BICD1: variants seen among roughly 807,000 people sequenced by gnomAD.
The protein encoded by BICD1 is BICD cargo adaptor 1.
Under a neutral mutation model 92.5 loss-of-function variants are expected in BICD1, and 35 were observed. The ratio of observed to expected loss-of-function variants is 0.38; its 90% confidence interval spans 0.29 to 0.50. The LOEUF (loss-of-function observed/expected upper bound fraction) is 0.50. Among genes scored for constraint, BICD1 ranks in the 20% least tolerant of loss-of-function variants. The probability of loss-of-function intolerance (pLI) is 0.93; values close to 1 mark genes in which losing one functional copy is unlikely to be tolerated. For missense variants in BICD1, 950 were observed against 1,189.8 expected (o/e 0.80, Z 2.97); for synonymous variants, 429 against 465.1 (o/e 0.92, Z 1.00).
intron 5 of BICD1, chr12:32,332,552 C>T (rs1023456767): frequency 1.8e-5 from 12 of 669,826 alleles, no homozygotes; most frequent in Non-Finnish European, 2.0e-5. Flanking sequence ...AACACATGGT[C>T]CCTGCCTTCC....
intron 1 of BICD1, among the ~76,000 whole-genome samples, chr12:32,192,337 G>C (rs1944595305): frequency 6.6e-6 from 1 of 152,134 alleles, no homozygotes; most frequent in Non-Finnish European, 1.5e-5. Context: ...GGGAGGCTGA[G>C]GTGGGAGAAT....
At chr12:32,341,892 C>A (rs866259784) in intron 8 of BICD1, among the ~76,000 whole-genome samples, 2 of 151,812 alleles carry the variant, frequency 1.3e-5, no homozygotes, top group Non-Finnish European at 2.9e-5. Flanking sequence ...TATATAAAAT[C>A]TTTTCAATAA....
chr12:32,254,429 A>G (rs1292745474), intron 2 of BICD1, among the ~76,000 whole-genome samples: 1 of 152,260 alleles, frequency 6.6e-6, no homozygotes, highest in Non-Finnish European at 1.5e-5. Flanking sequence ...AGGCTCTAGC[A>G]TTTGTAGGTG....
intron 2 of BICD1, among the ~76,000 whole-genome samples, chr12:32,252,198 T>TATATATTTATAATAAATA (rs1565619739): frequency 9.3e-5 from 8 of 86,140 alleles, no homozygotes; most frequent in African/African-American, 1.9e-4. Flanking sequence ...TACTATATAT[T>TATATATTTATAATAAATA]TTATATATAT....
At chr12:32,118,143 G>A (rs953050694) in intron 1 of BICD1, among the ~76,000 whole-genome samples, 14 of 149,898 alleles carry the variant, frequency 9.3e-5, no homozygotes, top group African/African-American at 3.2e-4. Flanking sequence ...GTGCAGTGGC[G>A]CGAACTCGGC....
intron 2 of BICD1, among the ~76,000 whole-genome samples, chr12:32,265,691 G>A (rs1946975498): frequency 6.8e-6 from 1 of 147,232 alleles, no homozygotes; most frequent in African/African-American, 2.5e-5. Context: ...ACTGCATTCA[G>A]CCTAGGTGAC....
At chr12:32,302,166 G>C (rs11051914) in intron 3 of BICD1, among the ~76,000 whole-genome samples, 4 of 152,182 alleles carry the variant, frequency 2.6e-5, no homozygotes, top group African/African-American at 9.6e-5. Flanking sequence ...GATTACAGGC[G>C]TGAGCCACTG....
At chr12:32,349,550 C>G (rs1236813736) in intron 8 of BICD1, among the ~76,000 whole-genome samples, 3 of 152,096 alleles carry the variant, frequency 2.0e-5, no homozygotes, top group East Asian at 3.9e-4. Flanking sequence ...GTTATTCTGT[C>G]CATGACTGGG....
chr12:32,165,359 C>CA (rs1169516048), intron 1 of BICD1, among the ~76,000 whole-genome samples: 1 of 151,964 alleles, frequency 6.6e-6, no homozygotes. Context: ...ACTGAAAATA[C>CA]AAAAAAATTA....
rs538518036 is a variant in BICD1 at position 32,289,954 on chromosome 12, G to C, written c.427-4040G>C. 7.4e-4 allele frequency among the ~76,000 whole-genome samples: 112 copies of C among 152,280 alleles called. 3 individuals carry two copies. The South Asian group carries it at 0.022, about 30-fold the overall frequency. On this transcript the variant is annotated intron_variant, in intron 2 of 9. Coordinates refer to ENST00000652176, the MANE Select transcript of BICD1 (RefSeq NM_001714.4). Reference sequence around the variant, plus strand: ...CTTGTGACCTACAGAATTGCTTTAAGAGGTCAGCACTGATAAAAACAGAGG... The same window carrying C: ...CTTGTGACCTACAGAATTGCTTTAACAGGTCAGCACTGATAAAAACAGAGG...
At chr12:32,153,138 A>G (rs1043665913) in intron 1 of BICD1, among the ~76,000 whole-genome samples, 1 of 152,188 alleles carries the variant, frequency 6.6e-6, no homozygotes, top group Admixed American at 6.5e-5. Context: ...CCTGATGTGT[A>G]GCTCTCATTT....
chr12:32,199,144 G>A (rs1427281470), intron 1 of BICD1, among the ~76,000 whole-genome samples: 5 of 152,106 alleles, frequency 3.3e-5, no homozygotes, highest in Non-Finnish European at 7.4e-5. Flanking sequence ...CTTATTAATA[G>A]CTTTTGTAAA....
chr12:32,172,209 G>A (rs1302679497), intron 1 of BICD1, among the ~76,000 whole-genome samples: 1 of 152,172 alleles, frequency 6.6e-6, no homozygotes, highest in South Asian at 2.1e-4. Flanking sequence ...AAGGATATAG[G>A]TTGTGGTTAA....
At chr12:32,236,135 C>G (rs944273042) in intron 2 of BICD1, among the ~76,000 whole-genome samples, 1 of 151,740 alleles carries the variant, frequency 6.6e-6, no homozygotes, top group African/African-American at 2.4e-5. Context: ...TAGTTCACGC[C>G]TGTAATCCCA....
At chr12:32,280,553 T>C (rs1464649957) in intron 2 of BICD1, among the ~76,000 whole-genome samples, 8 of 152,238 alleles carry the variant, frequency 5.3e-5, no homozygotes, top group Admixed American at 1.3e-4. Context: ...TGTTCTTTTC[T>C]TCCTGGTACA....
intron 1 of BICD1, among the ~76,000 whole-genome samples, chr12:32,195,347 C>T (rs1200576987): frequency 2.1e-5 from 3 of 142,052 alleles, no homozygotes; most frequent in South Asian, 4.1e-4. Flanking sequence ...GGAACCACTT[C>T]CTGGTTTCAA....
intron 1 of BICD1, among the ~76,000 whole-genome samples, chr12:32,200,951 C>G (rs1331574957): frequency 6.6e-6 from 1 of 152,144 alleles, no homozygotes; most frequent in Non-Finnish European, 1.5e-5. Context: ...TACTAAAAGC[C>G]TCTTGATCTG....
intron 2 of BICD1, among the ~76,000 whole-genome samples, chr12:32,233,428 A>G (rs1238305848): frequency 3.3e-5 from 5 of 152,096 alleles, no homozygotes; most frequent in Non-Finnish European, 7.4e-5. Context: ...AAGCAGTGGA[A>G]AGCAGCCTAC....
intron 8 of BICD1, among the ~76,000 whole-genome samples, chr12:32,349,921 A>C (rs962002380): frequency 1.3e-5 from 2 of 152,194 alleles, no homozygotes; most frequent in Admixed American, 6.5e-5. Flanking sequence ...CATATCTAAA[A>C]GTATATTGTT....
Sources: gnomAD v4.1 joint callset for allele counts (sites outside exome capture counted in the v4.1 genomes callset) on GRCh38, gnomAD v4.1.1 for gene constraint, MANE v1.5 for transcripts, NCBI Gene and HGNC (gene_info 2026-07-23, HGNC 2026-07-21) for gene names.